The following CADM2 variants were observed in gnomAD, a reference collection of about 807,000 sequenced individuals.
CADM2 encodes immunoglobulin superfamily member 4D.
CADM2 carries 12 observed loss-of-function variants against 49.8 expected under a neutral mutation model. The ratio of observed to expected loss-of-function variants is 0.24; its 90% CI spans 0.15 to 0.39. The LOEUF is 0.39. Ranked by LOEUF, CADM2 falls within the 10% of genes least tolerant of loss-of-function variation. The probability of loss-of-function intolerance (pLI) is 1.00; values close to 1 mark genes in which losing one functional copy is unlikely to be tolerated. For missense variants in CADM2, 378 were observed against 492.3 expected, an observed-to-expected ratio of 0.77 and a Z score of 2.20; for synonymous variants, 214 against 175.4, an observed-to-expected ratio of 1.22 and a Z score of -1.74.
At chr3:85,168,489 C>A (rs2040530799) in intron 1 of CADM2, among the ~76,000 whole-genome samples, 2 of 152,082 alleles carry the variant, frequency 1.3e-5, no homozygotes, top group Admixed American at 1.3e-4. Flanking sequence ...TTATTTAACA[C>A]TTAGTTTATC....
intron 1 of CADM2, among the ~76,000 whole-genome samples, chr3:85,146,653 T>C (rs1335239971): frequency 6.6e-6 from 1 of 152,190 alleles, no homozygotes; most frequent in Non-Finnish European, 1.5e-5. Flanking sequence ...ACTATATAAA[T>C]AGAGCCAAGA....
At chr3:86,026,079 A>T (rs1389761817) in intron 8 of CADM2, among the ~76,000 whole-genome samples, 1 of 152,176 alleles carries the variant, frequency 6.6e-6, no homozygotes, top group Non-Finnish European at 1.5e-5. Flanking sequence ...TTTATTGTGT[A>T]CTAGGGAATG....
In CADM2 at chr3:85,914,319, C is replaced by A. The variant is rs530095009; in HGVS notation, c.700+1776C>A. Among the ~76,000 whole-genome samples, 4 of 152,122 alleles carry A rather than the reference C, an allele frequency of 2.6e-5. No homozygotes were observed. The East Asian group carries it at 7.7e-4, about 29-fold the overall frequency. ...TGATTATAAAGTAGAGGAGTCATTCCTGTGAGGATGTGATGATAGGCTAGA... is the reference window on the plus strand; with the variant it reads ...TGATTATAAAGTAGAGGAGTCATTCATGTGAGGATGTGATGATAGGCTAGA... On this transcript the variant is annotated intron_variant, in intron 6 of 9. Coordinates refer to ENST00000383699, the MANE Select transcript of CADM2 (RefSeq NM_001167675.2).
chr3:85,572,445 T>C (rs1316048243), intron 1 of CADM2, among the ~76,000 whole-genome samples: 1 of 151,976 alleles, frequency 6.6e-6, no homozygotes, highest in East Asian at 1.9e-4. Flanking sequence ...AGCAATAAGA[T>C]GAGTAGAGAC....
intron 1 of CADM2, among the ~76,000 whole-genome samples, chr3:85,092,468 C>G (rs536972422): frequency 6.6e-6 from 1 of 152,228 alleles, no homozygotes; most frequent in East Asian, 1.9e-4. Context: ...ATGTTCACAA[C>G]CTCATCCTCA....
intron 8 of CADM2, among the ~76,000 whole-genome samples, chr3:85,972,420 G>C (rs2325007): frequency 6.6e-6 from 1 of 151,440 alleles, no homozygotes; most frequent in African/African-American, 2.4e-5. Context: ...AACTCTTAGT[G>C]TTTATTTATT....
In CADM2 at chr3:85,294,946, A is replaced by T. The variant is rs4053307; in HGVS notation, c.61+335278A>T. Among the ~76,000 whole-genome samples, 263 of 152,212 alleles carry T rather than the reference A, an allele frequency of 1.7e-3. 1 individual carries two copies. Among genetic ancestry groups the T allele is most frequent in the African/African-American group, 6.1e-3 (253 of 41,524 alleles). On this transcript the variant is annotated intron_variant, in intron 1 of 9. Transcript: ENST00000383699. ...AAAGCCAAAATTGACAAATGGGATC[A>T]AATTAAACTCAAGAGCTTCTGCACA... is the stretch of plus-strand genomic sequence containing the variant.
chr3:85,275,071 TG>T, intron 1 of CADM2, among the ~76,000 whole-genome samples: 1 of 151,312 alleles, frequency 6.6e-6, no homozygotes. Flanking sequence ...GAAGAGGAAG[TG>T]GGGGGAAGTA....
At chr3:85,869,072 T>A (rs2075823410) in intron 3 of CADM2, among the ~76,000 whole-genome samples, 1 of 152,198 alleles carries the variant, frequency 6.6e-6, no homozygotes. Context: ...ATTTTAAGAA[T>A]GATATCCCTT....
At chr3:85,454,111 T>C (rs1259588384) in intron 1 of CADM2, among the ~76,000 whole-genome samples, 1 of 152,018 alleles carries the variant, frequency 6.6e-6, no homozygotes, top group East Asian at 1.9e-4. Context: ...TCCAAGCATT[T>C]TGGGAGGCCG....
intron 1 of CADM2, among the ~76,000 whole-genome samples, chr3:85,069,478 GA>G (rs2036644802): frequency 6.6e-6 from 1 of 152,024 alleles, no homozygotes; most frequent in Non-Finnish European, 1.5e-5. Flanking sequence ...TTTGGTACAG[GA>G]GTCAAGACAT....
chr3:85,203,084 T>C (rs1377717051), intron 1 of CADM2, among the ~76,000 whole-genome samples: 1 of 152,172 alleles, frequency 6.6e-6, no homozygotes, highest in Non-Finnish European at 1.5e-5. Context: ...TTGAGCTTCT[T>C]GCAGACCACT....
intron 1 of CADM2, among the ~76,000 whole-genome samples, chr3:85,504,366 A>C (rs2040233611): frequency 6.6e-6 from 1 of 152,310 alleles, no homozygotes; most frequent in South Asian, 2.1e-4. Flanking sequence ...AAGAGTGAGC[A>C]GTGGCAAGAT....
chr3:85,577,238 C>G (rs1488803432), intron 1 of CADM2, among the ~76,000 whole-genome samples: 2 of 152,032 alleles, frequency 1.3e-5, no homozygotes, highest in South Asian at 4.2e-4. Context: ...GAACGTGTCC[C>G]CCGGAGTTCA....
At chr3:85,659,276 C>T (rs1176515503) in intron 1 of CADM2, among the ~76,000 whole-genome samples, 2 of 151,746 alleles carry the variant, frequency 1.3e-5, no homozygotes, top group Non-Finnish European at 2.9e-5. Context: ...CAGAACATGT[C>T]TACTACAGTT....
At chr3:85,184,351 C>T (rs1475490214) in intron 1 of CADM2, among the ~76,000 whole-genome samples, 1 of 152,106 alleles carries the variant, frequency 6.6e-6, no homozygotes, top group Non-Finnish European at 1.5e-5. Flanking sequence ...ATTGTCCTAA[C>T]ACCAGCATTT....
intron 1 of CADM2, among the ~76,000 whole-genome samples, chr3:85,356,968 A>G (rs1039694603): frequency 2.0e-5 from 3 of 152,148 alleles, no homozygotes; most frequent in African/African-American, 7.2e-5. Flanking sequence ...GGGATATAGA[A>G]GTATGAAGAT....
intron 2 of CADM2, among the ~76,000 whole-genome samples, chr3:85,754,458 CAT>C (rs1411393266): frequency 6.6e-6 from 1 of 152,148 alleles, no homozygotes; most frequent in Admixed American, 6.6e-5. Context: ...ATCACTATCT[CAT>C]ATGGAACTCA....
chr3:85,154,951 G>A (rs920072692), intron 1 of CADM2, among the ~76,000 whole-genome samples: 1 of 151,862 alleles, frequency 6.6e-6, no homozygotes, highest in African/African-American at 2.4e-5. Flanking sequence ...GCTAAACATG[G>A]AAAGGAACAA....
Sources: gnomAD v4.1 joint callset for allele counts (sites outside exome capture counted in the v4.1 genomes callset) on GRCh38, gnomAD v4.1.1 for gene constraint, MANE v1.5 for transcripts, NCBI Gene and HGNC (gene_info 2026-07-23, HGNC 2026-07-21) for gene names.